UBE3A: variants seen among roughly 807,000 people sequenced by gnomAD.
The protein encoded by UBE3A is ubiquitin-protein ligase E3A.
A neutral mutation model predicts 83.4 loss-of-function variants in UBE3A; 6 were observed. That is an observed-to-expected ratio of 0.07 (90% CI 0.04 to 0.14). The LOEUF (loss-of-function observed/expected upper bound fraction) is 0.14. Among genes scored for constraint, UBE3A ranks in the 10% least tolerant of loss-of-function variants. The pLI is 1.00. For synonymous variants in UBE3A, 337 were observed against 355.4 expected (o/e 0.95, Z 0.58); for missense variants, 456 against 1,036.1 (o/e 0.44, Z 7.69).
At chr15:25,392,764 A>T (rs2084699132) in intron 4 of UBE3A, among the ~76,000 whole-genome samples, 1 of 152,162 alleles carries the variant, frequency 6.6e-6, no homozygotes, top group Non-Finnish European at 1.5e-5. Context: ...AAAACATGAT[A>T]TTATAAGACA....
chr15:25,351,370 C>T (rs34498753), intron 11 of UBE3A, among the ~76,000 whole-genome samples: 7,756 of 152,140 alleles, frequency 0.051, 323 homozygotes, highest in African/African-American at 0.11. Context: ...TCAGAATCCA[C>T]GATAAAAATT....
chr15:25,398,370 A>C (rs942309502), intron 4 of UBE3A, among the ~76,000 whole-genome samples: 1 of 152,096 alleles, frequency 6.6e-6, no homozygotes, highest in Admixed American at 6.5e-5. Context: ...CACTGTTATT[A>C]ACTAGTTTCC....
At chr15:25,387,799 T>A (rs1015431762) in intron 4 of UBE3A, among the ~76,000 whole-genome samples, 1 of 152,062 alleles carries the variant, frequency 6.6e-6, no homozygotes, top group African/African-American at 2.4e-5. Flanking sequence ...TCATTACAGA[T>A]CTCATGGACA....
rs557573613 is a variant in UBE3A, at chr15:25,404,054, C to T, written c.62+1407G>A. On this transcript the variant is annotated intron_variant, in intron 4 of 12. Coordinates refer to ENST00000648336, the MANE Select transcript of UBE3A (RefSeq NM_130839.5). The stretch of plus-strand genomic sequence containing the variant: ...TATTAATATACTTAATACCATTGAG[C>T]CAAATACTTAAAAATGGTGAAATGG... Among the ~76,000 whole-genome samples the T allele has an allele frequency of 4.6e-5, 7 of 152,116 alleles. No homozygotes were observed. The South Asian group carries it at 1.4e-3, about 31-fold the overall frequency.
At chr15:25,420,555 A>G (rs1889288131) in intron 1 of UBE3A, 1 of 152,202 alleles carries the variant, frequency 6.6e-6, no homozygotes, top group African/African-American at 2.4e-5. Flanking sequence ...CACAAAAGAA[A>G]ACTTCTCAAC....
chr15:25,379,290 T>A (rs1193126844), intron 4 of UBE3A, among the ~76,000 whole-genome samples: 1 of 152,194 alleles, frequency 6.6e-6, no homozygotes, highest in Non-Finnish European at 1.5e-5. Flanking sequence ...CACAAGTGTA[T>A]GAGTTAGCAC....
chr15:25,412,034 A>T (rs2090088155), intron 1 of UBE3A, 63 bp from the exon 2 acceptor site: 1 of 152,196 alleles, frequency 6.6e-6, no homozygotes. Context: ...CTTTCAAAAA[A>T]AAAGGTACTA....
intron 4 of UBE3A, among the ~76,000 whole-genome samples, chr15:25,404,725 T>TA (rs1454066002): frequency 1.1e-4 from 16 of 152,266 alleles, no homozygotes; most frequent in Admixed American, 9.2e-4. Flanking sequence ...GACTCCCTAA[T>TA]ACCTTCTATC....
intron 1 of UBE3A, among the ~76,000 whole-genome samples, chr15:25,424,906 G>C (rs1430518765): frequency 2.6e-5 from 4 of 152,164 alleles, no homozygotes; most frequent in Non-Finnish European, 5.9e-5. Flanking sequence ...TCATGAATGA[G>C]AAGACAGTAT....
intron 6 of UBE3A, among the ~76,000 whole-genome samples, chr15:25,367,470 AAAT>A (rs1230161582): frequency 6.6e-6 from 1 of 152,044 alleles, no homozygotes; most frequent in African/African-American, 2.4e-5. Flanking sequence ...AAAATACTGA[AAAT>A]AAGTCCTAGG....
At chr15:25,359,051 T>C (rs1194374004) in intron 7 of UBE3A, among the ~76,000 whole-genome samples, 2 of 152,190 alleles carry the variant, frequency 1.3e-5, no homozygotes, top group Non-Finnish European at 2.9e-5. Context: ...TGAAGTTCCA[T>C]TTTAGGCACA....
chr15:25,407,358 CATG>C, intron 3 of UBE3A: 2 of 794,304 alleles, frequency 2.5e-6, no homozygotes, highest in South Asian at 3.5e-5. Context: ...AAAATGAGGA[CATG>C]ATGATAGGAA....
At chr15:25,383,785 C>G (rs1040161449) in intron 4 of UBE3A, among the ~76,000 whole-genome samples, 1 of 152,094 alleles carries the variant, frequency 6.6e-6, no homozygotes, top group African/African-American at 2.4e-5. Context: ...ACAAATGGAA[C>G]AAGAATGCAC....
intron 1 of UBE3A, among the ~76,000 whole-genome samples, chr15:25,432,106 T>C (rs546304194): frequency 1.3e-5 from 2 of 152,334 alleles, no homozygotes; most frequent in South Asian, 4.1e-4. Context: ...TCCTGTACTG[T>C]TACATGCAGT....
At chr15:25,407,197 A>C in intron 3 of UBE3A, 1 of 1,329,308 alleles carries the variant, frequency 7.5e-7, no homozygotes, top group South Asian at 1.2e-5. Flanking sequence ...GCGACCCTCC[A>C]GCATCAGATG....
At chr15:25,365,384 TATTTAAGTAG>T (rs2078917345) in intron 6 of UBE3A, among the ~76,000 whole-genome samples, 1 of 152,154 alleles carries the variant, frequency 6.6e-6, no homozygotes, top group African/African-American at 2.4e-5. Context: ...ATACCATGAA[TATTTAAGTAG>T]AAGCAATAAT....
intron 4 of UBE3A, among the ~76,000 whole-genome samples, chr15:25,398,688 T>G (rs1385185868): frequency 6.7e-6 from 1 of 149,344 alleles, no homozygotes; most frequent in African/African-American, 2.5e-5. Context: ...CTTAGGCTGA[T>G]GCTGTATCAT....
In UBE3A at chr15:25,340,181, A is replaced by T. The variant is rs1057520393; in HGVS notation, c.2402T>A (p.Leu801His). The change falls in exon 12 of 13, where the codon CTC (leucine) becomes CAC (histidine). Residue 801 changes from leucine (L) to histidine (H), a missense_variant. Physicochemically the swap from Leu to His is moderately conservative, Grantham distance 99 (BLOSUM62 -3). This residue lies in a region of UBE3A where 82 missense variants were observed against 199.3 expected (regional missense o/e 0.41). Transcript: ENST00000648336. ...TGTGCCCGTTGTAAACTGCAAGAAGAGTCTTTTCTGTTCATCTGTAAATGA... is the reference window on the plus strand; with the variant it reads ...TGTGCCCGTTGTAAACTGCAAGAAGTGTCTTTTCTGTTCATCTGTAAATGA... ...VHSFTDEQKR[L>H]FLQFTTGTDR... 7 of 1,613,890 alleles carry T rather than the reference A, an allele frequency of 4.3e-6. No homozygotes were observed. Among genetic ancestry groups the T allele is most frequent in the Non-Finnish European group, 5.9e-6 (7 of 1,179,974 alleles).
chr15:25,342,954 A>G (rs2075099011), intron 11 of UBE3A, among the ~76,000 whole-genome samples: 1 of 152,190 alleles, frequency 6.6e-6, no homozygotes, highest in Non-Finnish European at 1.5e-5. Context: ...GAAGGGGGGT[A>G]CCTTCAAAAG....
Sources: allele counts gnomAD v4.1 joint callset (sites outside exome capture counted in the v4.1 genomes callset), GRCh38; gene constraint gnomAD v4.1.1; regional missense constraint gnomAD v4.1.1; transcripts MANE v1.5; gene names NCBI Gene and HGNC (gene_info 2026-07-23, HGNC 2026-07-21).